GPR176: variants seen among roughly 807,000 people sequenced by gnomAD.
GPR176 encodes G-protein coupled receptor 176.
A neutral mutation model predicts 35.4 loss-of-function variants in GPR176; 26 were observed. That is an observed-to-expected ratio of 0.74 (90% CI 0.54 to 1.02). The LOEUF (loss-of-function observed/expected upper bound fraction) is 1.02, where lower values mean the gene tolerates loss of function less well. GPR176 is among the 50% of genes least tolerant of loss of function. The pLI is 0.00. For synonymous variants in GPR176, 278 were observed against 271.3 expected (o/e 1.02, Z -0.24); for missense variants, 597 against 665.3 (o/e 0.90, Z 1.13).
In GPR176 at chr15:39,809,921, G is replaced by A. The variant is rs536612021; in HGVS notation, c.173-2663C>T. Among the ~76,000 whole-genome samples the A allele has an allele frequency of 1.9e-3, 282 of 152,134 alleles. 1 individual carries two copies. The highest frequency in any genetic ancestry group is 3.3e-3 in the Non-Finnish European group (221 of 67,958). On this transcript the variant is annotated intron_variant, in intron 1 of 2. Coordinates refer to ENST00000561100, the MANE Select transcript of GPR176 (RefSeq NM_007223.3). ...AGCACTTTGGGAGGCTGAGGCGGGC[G>A]GATCACGAGGTCAGGAGATCGAGAC...
intron 1 of GPR176, among the ~76,000 whole-genome samples, chr15:39,866,874 A>C (rs1298023966): frequency 6.6e-6 from 1 of 152,134 alleles, no homozygotes. Flanking sequence ...TCAGATTGGA[A>C]AGCATACAAA....
intron 1 of GPR176, among the ~76,000 whole-genome samples, chr15:39,873,251 A>G (rs1434490178): frequency 1.3e-5 from 2 of 152,140 alleles, no homozygotes; most frequent in African/African-American, 4.8e-5. Flanking sequence ...TCCCAAAGTC[A>G]TAAAGCTAGT....
intron 1 of GPR176, among the ~76,000 whole-genome samples, chr15:39,907,640 A>G (rs1254073783): frequency 6.6e-6 from 1 of 152,124 alleles, no homozygotes; most frequent in Non-Finnish European, 1.5e-5. Context: ...GCTCTTATAA[A>G]CATTCAGGAA....
intron 1 of GPR176, among the ~76,000 whole-genome samples, chr15:39,910,234 G>A: frequency 6.6e-6 from 1 of 152,226 alleles, no homozygotes; most frequent in East Asian, 1.9e-4. Context: ...TTGGTTGGGA[G>A]TTACCACATT....
intron 1 of GPR176, among the ~76,000 whole-genome samples, chr15:39,839,880 G>A (rs1023885770): frequency 6.6e-6 from 1 of 152,170 alleles, no homozygotes; most frequent in Non-Finnish European, 1.5e-5. Flanking sequence ...ATGAAAAAAA[G>A]CTCACCATCA....
At chr15:39,868,481 G>A (rs749287135) in intron 1 of GPR176, among the ~76,000 whole-genome samples, 9 of 152,280 alleles carry the variant, frequency 5.9e-5, no homozygotes, top group Non-Finnish European at 1.3e-4. Context: ...ATACGAAGTA[G>A]GAATTAGCAA....
chr15:39,812,070 T>A (rs1899606668), intron 1 of GPR176, among the ~76,000 whole-genome samples: 1 of 152,260 alleles, frequency 6.6e-6, no homozygotes, highest in Non-Finnish European at 1.5e-5. Context: ...CGTGGTTGCC[T>A]ATATTTACAA....
intron 1 of GPR176, among the ~76,000 whole-genome samples, chr15:39,834,972 T>A (rs1296648687): frequency 6.6e-6 from 1 of 152,204 alleles, no homozygotes; most frequent in Non-Finnish European, 1.5e-5. Flanking sequence ...AATGTATACC[T>A]CTTACCCTAA....
intron 1 of GPR176, among the ~76,000 whole-genome samples, chr15:39,835,992 G>A (rs1429067258): frequency 2.0e-5 from 3 of 152,202 alleles, no homozygotes; most frequent in African/African-American, 7.2e-5. Context: ...CTACTCAGGA[G>A]GCTGAGGCAC....
chr15:39,904,079 T>C (rs1272136957), intron 1 of GPR176, among the ~76,000 whole-genome samples: 2 of 152,188 alleles, frequency 1.3e-5, no homozygotes, highest in Non-Finnish European at 2.9e-5. Context: ...TAAACTGTCA[T>C]GGCACTGGTG....
intron 1 of GPR176, among the ~76,000 whole-genome samples, chr15:39,897,936 G>T (rs275723): frequency 0.97 from 148,271 of 152,198 alleles, 72,269 homozygotes; most frequent in East Asian, 1. Context: ...GCTTAGTGAT[G>T]TGCATGAGGC....
Position 39,843,135 on chromosome 15 carries a change from G to A in GPR176, c.173-35877C>T, listed in dbSNP as rs166704. 6.2e-3 allele frequency among the ~76,000 whole-genome samples: 949 copies of A among 152,070 alleles called. 7 individuals carry two copies. Among genetic ancestry groups the A allele is most frequent in the African/African-American group, 0.021 (881 of 41,474 alleles). Reference sequence around the variant, plus strand: ...AAGAGTCATGGTGGCCAGTAGACATGGTATGATAGCCTGCTGGTTGAAGCA... The same window carrying A: ...AAGAGTCATGGTGGCCAGTAGACATAGTATGATAGCCTGCTGGTTGAAGCA... On this transcript the variant is annotated intron_variant, in intron 1 of 2. Coordinates refer to ENST00000561100, the MANE Select transcript of GPR176 (RefSeq NM_007223.3).
chr15:39,804,462 T>C (rs978503063), intron 2 of GPR176, among the ~76,000 whole-genome samples: 1 of 152,198 alleles, frequency 6.6e-6, no homozygotes, highest in Non-Finnish European at 1.5e-5. Flanking sequence ...TTACAATAGC[T>C]TTTCTGCTGG....
intron 1 of GPR176, among the ~76,000 whole-genome samples, chr15:39,842,503 G>A (rs891918205): frequency 2.0e-5 from 3 of 152,102 alleles, no homozygotes; most frequent in African/African-American, 4.8e-5. Context: ...CCAGTGTGAA[G>A]GTATTTGGAG....
chr15:39,862,402 G>T (rs1057188734), intron 1 of GPR176: 1 of 152,126 alleles, frequency 6.6e-6, no homozygotes, highest in Non-Finnish European at 1.5e-5. Context: ...CATGTGAGCT[G>T]GTTCATGTAA....
At chr15:39,844,167 C>T (rs275757) in intron 1 of GPR176, among the ~76,000 whole-genome samples, 57,271 of 151,914 alleles carry the variant, frequency 0.38, 11,495 homozygotes, top group African/African-American at 0.46. Flanking sequence ...TGATATCCTC[C>T]GGACATCACC....
At chr15:39,847,235 G>GA (rs1480681177) in intron 1 of GPR176, among the ~76,000 whole-genome samples, 3 of 134,876 alleles carry the variant, frequency 2.2e-5, no homozygotes, top group African/African-American at 7.7e-5. Flanking sequence ...AGAATAAACA[G>GA]AAAACAAAAA....
At position 39,800,811 on chromosome 15, in the gene GPR176, G is replaced by A. The variant is rs563516357; in HGVS notation, c.*321C>T. The A allele has an allele frequency of 7.1e-6, 2 of 280,962 alleles. No individual in the cohort carries two copies. The highest frequency in any genetic ancestry group is 9.1e-5 in the East Asian group (1 of 11,040). The allele number at this position is 280,962 out of a possible 1,614,324, so 17.4% of individuals were successfully genotyped here. On this transcript the variant is annotated 3_prime_UTR_variant, in exon 3 of 3. Coordinates refer to ENST00000561100, the MANE Select transcript of GPR176 (RefSeq NM_007223.3). Reference sequence around the variant, plus strand: ...CTGTGTGTTCTCTGCAGAGCCCAGGGAAGTGAGGCATCCTCAGAAAGTGCA... The same window carrying A: ...CTGTGTGTTCTCTGCAGAGCCCAGGAAAGTGAGGCATCCTCAGAAAGTGCA...
intron 1 of GPR176, among the ~76,000 whole-genome samples, chr15:39,831,233 A>G (rs1901059117): frequency 6.6e-6 from 1 of 152,134 alleles, no homozygotes; most frequent in Non-Finnish European, 1.5e-5. Context: ...CATCTCCTAC[A>G]TTGGTTCCTC....
Sources: allele counts gnomAD v4.1 joint callset (sites outside exome capture counted in the v4.1 genomes callset), GRCh38; gene constraint gnomAD v4.1.1; transcripts MANE v1.5; gene names NCBI Gene and HGNC (gene_info 2026-07-23, HGNC 2026-07-21).